Variants in LRMDA observed in about 807,000 individuals in gnomAD.
The protein encoded by LRMDA is leucine-rich melanocyte differentiation-associated protein.
In LRMDA, 18 loss-of-function variants were observed where a neutral mutation model predicts 29.8. That is an observed-to-expected ratio of 0.60 (90% confidence interval 0.42 to 0.90). LRMDA has a LOEUF of 0.90. Among genes scored for constraint, LRMDA ranks in the 40% least tolerant of loss-of-function variants. The probability of loss-of-function intolerance (pLI) is 0.00; values close to 1 mark genes in which losing one functional copy is unlikely to be tolerated. For synonymous variants in LRMDA, 125 were observed against 109.4 expected (o/e 1.14, Z -0.89); for missense variants, 273 against 273.9 (o/e 1.00, Z 0.02).
At chr10:76,349,678 A>C (rs543914465) in intron 6 of LRMDA, among the ~76,000 whole-genome samples, 1 of 152,266 alleles carries the variant, frequency 6.6e-6, no homozygotes, top group South Asian at 2.1e-4. Context: ...GGTTCAGCAA[A>C]ATTTAAAAAT....
intron 6 of LRMDA, among the ~76,000 whole-genome samples, chr10:76,462,076 ACC>A (rs1564548221): frequency 0.013 from 1,212 of 92,468 alleles, 11 homozygotes; most frequent in South Asian, 0.055. Context: ...AAAAAAAAAA[ACC>A]ACACACACAC....
At chr10:75,970,762 T>C (rs1386089904) in intron 2 of LRMDA, among the ~76,000 whole-genome samples, 1 of 152,214 alleles carries the variant, frequency 6.6e-6, no homozygotes, top group African/African-American at 2.4e-5. Context: ...TCCTTTTTAC[T>C]GTGTCTTCTT....
intron 5 of LRMDA, among the ~76,000 whole-genome samples, chr10:76,162,218 G>A (rs1850659396): frequency 6.6e-6 from 1 of 152,116 alleles, no homozygotes; most frequent in Non-Finnish European, 1.5e-5. Flanking sequence ...GTGCTTACGA[G>A]AACAAAAGTT....
At chr10:76,280,181 A>G (rs1589408352) in intron 5 of LRMDA, among the ~76,000 whole-genome samples, 1 of 152,270 alleles carries the variant, frequency 6.6e-6, no homozygotes, top group South Asian at 2.1e-4. Context: ...TTCAAGGAAC[A>G]TGAAATTAAC....
intron 2 of LRMDA, among the ~76,000 whole-genome samples, chr10:75,987,188 A>T (rs551280287): frequency 3.3e-5 from 5 of 152,090 alleles, no homozygotes; most frequent in Non-Finnish European, 7.4e-5. Context: ...CTTTTTACTT[A>T]TGACTGTAGG....
intron 2 of LRMDA, among the ~76,000 whole-genome samples, chr10:75,601,051 C>T (rs1246852189): frequency 6.6e-6 from 1 of 152,196 alleles, no homozygotes; most frequent in Non-Finnish European, 1.5e-5. Flanking sequence ...TCCCTGAACC[C>T]TTGCGATTTC....
intron 5 of LRMDA, among the ~76,000 whole-genome samples, chr10:76,180,330 G>A (rs1012839657): frequency 2.3e-5 from 3 of 129,940 alleles, no homozygotes; most frequent in East Asian, 2.3e-4. Context: ...CTGTCACCCC[G>A]GCTGGAGTGC....
At chr10:75,961,618 A>G (rs1239220996) in intron 2 of LRMDA, among the ~76,000 whole-genome samples, 1 of 152,180 alleles carries the variant, frequency 6.6e-6, no homozygotes, top group African/African-American at 2.4e-5. Context: ...GTCGAGGGGT[A>G]TAGTAAGTCA....
intron 2 of LRMDA, among the ~76,000 whole-genome samples, chr10:75,531,718 A>T (rs1845480165): frequency 6.6e-6 from 1 of 152,196 alleles, no homozygotes; most frequent in Non-Finnish European, 1.5e-5. Context: ...GAAATGAGAC[A>T]TACATTTCCT....
chr10:75,587,345 GT>G (rs1346474371), intron 2 of LRMDA, among the ~76,000 whole-genome samples: 1 of 151,894 alleles, frequency 6.6e-6, no homozygotes, highest in African/African-American at 2.4e-5. Flanking sequence ...GTTTGTTTTT[GT>G]TTTTGTTTTT....
chr10:76,031,664 A>T (rs1282628186), intron 2 of LRMDA, among the ~76,000 whole-genome samples: 1 of 152,176 alleles, frequency 6.6e-6, no homozygotes, highest in Non-Finnish European at 1.5e-5. Flanking sequence ...GGGCCTAGCC[A>T]GGGTAGTAGA....
intron 2 of LRMDA, among the ~76,000 whole-genome samples, chr10:75,516,750 G>A (rs1845294610): frequency 6.6e-6 from 1 of 152,080 alleles, no homozygotes; most frequent in African/African-American, 2.4e-5. Flanking sequence ...ATTGCTTTTG[G>A]TGTTTTAGTC....
rs576979322 is a variant in LRMDA, at chr10:75,961,519, C to G, written c.132-74489C>G. On this transcript the variant is annotated intron_variant, in intron 2 of 6. Coordinates refer to ENST00000611255, the MANE Select transcript of LRMDA (RefSeq NM_001305581.2). ...GTCTCTGAGACCTATTGCCACATCA[C>G]TTTGGCAAGAGGTTATTGCAGTTTA... Among the ~76,000 whole-genome samples the G allele has an allele frequency of 4.6e-5, 7 of 152,324 alleles. No individual in the cohort carries two copies. The South Asian group carries it at 1.4e-3, about 32-fold the overall frequency.
intron 2 of LRMDA, among the ~76,000 whole-genome samples, chr10:76,034,553 C>G (rs2132505195): frequency 6.6e-6 from 1 of 152,228 alleles, no homozygotes; most frequent in South Asian, 2.1e-4. Context: ...CCAGTGGTAT[C>G]TACAGATTTA....
intron 2 of LRMDA, among the ~76,000 whole-genome samples, chr10:75,984,303 GT>G (rs1847225038): frequency 6.6e-6 from 1 of 152,224 alleles, no homozygotes; most frequent in Non-Finnish European, 1.5e-5. Context: ...AAACCAGCAG[GT>G]GGAGGAGGAG....
chr10:75,521,849 T>C (rs115726493), intron 2 of LRMDA, among the ~76,000 whole-genome samples: 1,897 of 152,328 alleles, frequency 0.012, 37 homozygotes, highest in African/African-American at 0.043. Context: ...ATTAATGTTA[T>C]GTTATATTAA....
intron 2 of LRMDA, among the ~76,000 whole-genome samples, chr10:75,837,528 T>G (rs566282460): frequency 6.6e-6 from 1 of 152,230 alleles, no homozygotes; most frequent in Non-Finnish European, 1.5e-5. Context: ...TTGTAATGCA[T>G]GTTTTAAATT....
intron 2 of LRMDA, among the ~76,000 whole-genome samples, chr10:75,923,326 G>A (rs1462412402): frequency 6.6e-6 from 1 of 152,222 alleles, no homozygotes. Context: ...AGTCAATGAA[G>A]TCAATGGTTC....
chr10:76,474,789 C>G (rs934669560), intron 6 of LRMDA, among the ~76,000 whole-genome samples: 1 of 151,642 alleles, frequency 6.6e-6, no homozygotes, highest in Non-Finnish European at 1.5e-5. Context: ...AATGATGAAG[C>G]TGCTTTGGAA....
Sources: gnomAD v4.1 joint callset for allele counts (sites outside exome capture counted in the v4.1 genomes callset) on GRCh38, gnomAD v4.1.1 for gene constraint, MANE v1.5 for transcripts, NCBI Gene and HGNC (gene_info 2026-07-23, HGNC 2026-07-21) for gene names.